Variants in GBE1 observed in about 807,000 individuals in gnomAD.
The protein encoded by GBE1 is 1,4-alpha-glucan branching enzyme 1, also known as 1,4-alpha-glucan-branching enzyme.
Under a neutral mutation model 88.8 loss-of-function variants are expected in GBE1, and 70 were observed. The observed-to-expected ratio is 0.79, with a 90% CI of 0.65 to 0.96. The LOEUF (loss-of-function observed/expected upper bound fraction) is 0.96, where lower values mean the gene tolerates loss of function less well. Ranked by LOEUF, GBE1 falls within the 40% of genes least tolerant of loss-of-function variation. The pLI, the probability that GBE1 is intolerant of heterozygous loss-of-function variation, is 0.00. For missense variants in GBE1, 872 were observed against 871.0 expected, an observed-to-expected ratio of 1.00 and a Z score of -0.01; for synonymous variants, 284 against 300.1, an observed-to-expected ratio of 0.95 and a Z score of 0.56.
intron 12 of GBE1, among the ~76,000 whole-genome samples, chr3:81,568,786 A>T (rs545221817): frequency 6.6e-6 from 1 of 151,856 alleles, no homozygotes; most frequent in African/African-American, 2.4e-5. Context: ...GTGTGTGTGT[A>T]TATATATATA....
intron 12 of GBE1, among the ~76,000 whole-genome samples, chr3:81,562,718 T>A (rs1327086170): frequency 2.0e-5 from 3 of 152,010 alleles, no homozygotes; most frequent in East Asian, 1.9e-4. Context: ...ATAATCTGTA[T>A]CCCCTCAACC....
At chr3:81,659,854 T>C (rs941438507) in intron 3 of GBE1, among the ~76,000 whole-genome samples, 5 of 152,122 alleles carry the variant, frequency 3.3e-5, no homozygotes, top group Admixed American at 6.5e-5. Context: ...TCCAAGAATA[T>C]AGTTAATGAC....
intron 12 of GBE1, among the ~76,000 whole-genome samples, chr3:81,562,874 T>A (rs1362432089): frequency 6.6e-6 from 1 of 152,018 alleles, no homozygotes; most frequent in Non-Finnish European, 1.5e-5. Flanking sequence ...ATCTTTTTTT[T>A]TTTTAATGGG....
At chr3:81,750,167 A>T (rs1706477364) in intron 1 of GBE1, among the ~76,000 whole-genome samples, 1 of 152,132 alleles carries the variant, frequency 6.6e-6, no homozygotes, top group Admixed American at 6.5e-5. Flanking sequence ...CAGGTAAACA[A>T]AAGTGTCAGA....
At chr3:81,745,516 T>C (rs1351033562) in intron 1 of GBE1, among the ~76,000 whole-genome samples, 1 of 151,924 alleles carries the variant, frequency 6.6e-6, no homozygotes, top group Non-Finnish European at 1.5e-5. Flanking sequence ...AAATGATGTA[T>C]ATGTAAATTA....
intron 14 of GBE1, among the ~76,000 whole-genome samples, chr3:81,522,930 G>A (rs1436473231): frequency 1.3e-5 from 2 of 151,364 alleles, no homozygotes; most frequent in Non-Finnish European, 3.0e-5. Context: ...TCCAGAAGAG[G>A]TGACTAATGT....
chr3:81,642,788 A>G lies in GBE1; in HGVS notation c.985T>C (p.Tyr329His), dbSNP rs762781855. The G allele has an allele frequency of 2.5e-6, 4 of 1,597,446 alleles. No homozygotes were observed. The highest frequency in any genetic ancestry group is 2.2e-5 in the East Asian group (1 of 44,780). The part of the protein sequence containing the change: ...HDLWDSRLFA[Y>H]SSWEILRFLL... ...TATATTGTATGTACCTACCTGGAGT[A>G]GGCAAACAATCTGCTATCCCAAAGA... The change falls in exon 7 of 16, where the codon TAC (tyrosine) becomes CAC (histidine). Residue 329 changes from tyrosine to histidine, a missense_variant. Physicochemically the swap from Tyr to His is moderately conservative, Grantham distance 83. Transcript: ENST00000429644.
In GBE1 at chr3:81,609,357, C is replaced by T. The variant is rs1020629892; in HGVS notation, c.993-15334G>A. On this transcript the variant is annotated intron_variant, in intron 7 of 15. Coordinates refer to ENST00000429644, the MANE Select transcript of GBE1 (RefSeq NM_000158.4). Reference sequence around the variant, plus strand: ...GATATTAAGTGATTTTCCAAAATCACCTGGGCAAACAAATGAAGGACTGGA... The same window carrying T: ...GATATTAAGTGATTTTCCAAAATCATCTGGGCAAACAAATGAAGGACTGGA... Among the ~76,000 whole-genome samples, 9 of 152,050 alleles carry T rather than the reference C, an allele frequency of 5.9e-5. No homozygotes were observed. In the East Asian group the frequency reaches 1.7e-3, roughly 29 times the overall value.
intron 14 of GBE1, among the ~76,000 whole-genome samples, chr3:81,526,913 T>G (rs1283249109): frequency 1.3e-5 from 2 of 151,990 alleles, no homozygotes; most frequent in Non-Finnish European, 2.9e-5. Flanking sequence ...CATTGCCAAG[T>G]CAATCCTAAG....
intron 12 of GBE1, among the ~76,000 whole-genome samples, chr3:81,545,407 A>T (rs1703193449): frequency 6.6e-6 from 1 of 152,134 alleles, no homozygotes; most frequent in Non-Finnish European, 1.5e-5. Context: ...TATAATTATT[A>T]AATGTCCAAC....
chr3:81,553,386 G>C (rs1451586703), intron 12 of GBE1, among the ~76,000 whole-genome samples: 1 of 151,698 alleles, frequency 6.6e-6, no homozygotes, highest in Non-Finnish European at 1.5e-5. Context: ...GCTGTGTTTT[G>C]TATGTGTGTG....
At chr3:81,737,618 A>G (rs1706286027) in intron 1 of GBE1, among the ~76,000 whole-genome samples, 1 of 151,224 alleles carries the variant, frequency 6.6e-6, no homozygotes, top group Admixed American at 6.6e-5. Context: ...GAATTTTTGT[A>G]TGTGTTGAAT....
intron 1 of GBE1, among the ~76,000 whole-genome samples, chr3:81,750,659 G>GTC (rs61309629): frequency 2.8e-5 from 1 of 35,306 alleles, no homozygotes; most frequent in South Asian, 7.1e-4. Flanking sequence ...ATATATATAT[G>GTC]TATATATATA....
intron 7 of GBE1, among the ~76,000 whole-genome samples, chr3:81,630,333 G>A (rs898645479): frequency 1.3e-5 from 2 of 152,036 alleles, no homozygotes; most frequent in South Asian, 2.1e-4. Flanking sequence ...CGTGAAAATG[G>A]CCATCCCCAT....
chr3:81,649,984 G>A, intron 3 of GBE1, 63 bp from the exon 4 acceptor site: 2 of 1,335,172 alleles, frequency 1.5e-6, no homozygotes, highest in Non-Finnish European at 2.1e-6. Context: ...ATACATAATG[G>A]TTTAGGAGCA....
chr3:81,556,101 G>GT (rs1703344602), intron 12 of GBE1, among the ~76,000 whole-genome samples: 1 of 151,992 alleles, frequency 6.6e-6, no homozygotes, highest in South Asian at 2.1e-4. Context: ...TCTATTTAAC[G>GT]TAATTGTACC....
chr3:81,717,456 C>T (rs1001184926), intron 1 of GBE1, among the ~76,000 whole-genome samples: 1 of 152,150 alleles, frequency 6.6e-6, no homozygotes, highest in African/African-American at 2.4e-5. Flanking sequence ...CTTAATGTGA[C>T]TTTCATTGTA....
intron 14 of GBE1, among the ~76,000 whole-genome samples, chr3:81,520,991 T>C (rs561531613): frequency 1.5e-4 from 23 of 151,716 alleles, no homozygotes; most frequent in Non-Finnish European, 3.0e-4. Flanking sequence ...TTTCCAAACG[T>C]ATTCTCTTAT....
chr3:81,568,459 T>C (rs868717618), intron 12 of GBE1, among the ~76,000 whole-genome samples: 2 of 144,818 alleles, frequency 1.4e-5, no homozygotes, highest in Admixed American at 1.4e-4. Flanking sequence ...GTGTCACTTA[T>C]CATTTGCAGG....
Sources: allele counts gnomAD v4.1 joint callset (sites outside exome capture counted in the v4.1 genomes callset), GRCh38; gene constraint gnomAD v4.1.1; transcripts MANE v1.5; gene names NCBI Gene and HGNC (gene_info 2026-07-23, HGNC 2026-07-21).